Variants in NUP153 observed in about 807,000 individuals in gnomAD.
NUP153 encodes nuclear pore complex protein Nup153.
NUP153 carries 27 observed loss-of-function variants against 134.6 expected under a neutral mutation model. The observed-to-expected ratio is 0.20, with a 90% CI of 0.15 to 0.28. The LOEUF is 0.28. Ranked by LOEUF, NUP153 falls within the 10% of genes least tolerant of loss-of-function variation. NUP153 has a pLI of 1.00. For missense variants in NUP153, 1,821 were observed against 1,731.3 expected (o/e 1.05, Z -0.92); for synonymous variants, 640 against 623.5 (o/e 1.03, Z -0.40).
chr6:17,688,443 A>G lies in NUP153; in HGVS notation c.287T>C (p.Ile96Thr), dbSNP rs754070210. The G allele has an allele frequency of 7.4e-6, 12 of 1,614,004 alleles. No homozygotes were observed. The South Asian group carries it at 7.7e-5, about 10-fold the overall frequency. The change falls in exon 2 of 22, where the codon ATT (isoleucine) becomes ACT (threonine). Residue 96 changes from isoleucine (I) to threonine (T), a missense_variant. By Grantham distance (89) the Ile-to-Thr change is moderately conservative. Transcript: ENST00000262077. ...LVYADEESSNITDGRITPEPA... is the reference protein window; with the variant it reads ...LVYADEESSNTTDGRITPEPA... ...CTCAGGTGTGATTCTCCCATCAGTA[A>G]TATTAGAGCTCTCCTCATCGGCATA...
At chr6:17,694,971 T>C (rs778326084) in intron 1 of NUP153, among the ~76,000 whole-genome samples, 2 of 115,974 alleles carry the variant, frequency 1.7e-5, no homozygotes, top group East Asian at 2.4e-4. Context: ...AAAGCGAGAC[T>C]CTGTCTCAAG....
intron 11 of NUP153, among the ~76,000 whole-genome samples, chr6:17,657,719 T>C (rs1766917137): frequency 6.6e-6 from 1 of 152,174 alleles, no homozygotes; most frequent in Admixed American, 6.5e-5. Context: ...ATGCTACAGA[T>C]TTTACCAGGA....
At chr6:17,674,486 T>C (rs536040764) in intron 5 of NUP153, among the ~76,000 whole-genome samples, 1 of 152,232 alleles carries the variant, frequency 6.6e-6, no homozygotes, top group Admixed American at 6.5e-5. Flanking sequence ...TCAAAACTAC[T>C]GGCCGGGTGC....
intron 11 of NUP153, among the ~76,000 whole-genome samples, chr6:17,655,141 A>C (rs969558151): frequency 2.0e-5 from 3 of 152,222 alleles, no homozygotes; most frequent in Non-Finnish European, 4.4e-5. Context: ...CACACACAAA[A>C]AAACTCATGG....
chr6:17,696,443 AC>A (rs1183288201), intron 1 of NUP153, among the ~76,000 whole-genome samples: 1 of 152,108 alleles, frequency 6.6e-6, no homozygotes, highest in Non-Finnish European at 1.5e-5. Flanking sequence ...TTCTGTATGG[AC>A]CTGAAAAGTG....
At chr6:17,649,536 G>C (rs764856479) in intron 11 of NUP153, among the ~76,000 whole-genome samples, 16 of 148,202 alleles carry the variant, frequency 1.1e-4, no homozygotes, top group Non-Finnish European at 2.4e-4. Context: ...GTAAAACTGA[G>C]GGAAAAAAGA....
At chr6:17,622,973 A>AT (rs1379701493) in intron 20 of NUP153, among the ~76,000 whole-genome samples, 1 of 152,042 alleles carries the variant, frequency 6.6e-6, no homozygotes, top group African/African-American at 2.4e-5. Flanking sequence ...TACTAAAAAT[A>AT]TAAAAAATCA....
chr6:17,669,214 G>T, intron 7 of NUP153, 79 bp downstream of exon 7: 1 of 1,254,976 alleles, frequency 8.0e-7, no homozygotes, highest in South Asian at 1.3e-5. Flanking sequence ...AAGTAGCTGG[G>T]ACTACAGGTG....
intron 15 of NUP153, 49 bp downstream of exon 15, chr6:17,639,889 AT>A: frequency 6.6e-7 from 1 of 1,521,120 alleles, no homozygotes; most frequent in Non-Finnish European, 8.9e-7. Flanking sequence ...ATGACATTAA[AT>A]TGAGATCATG....
At position 17,675,267 on chromosome 6, in the gene NUP153, G is replaced by A; in HGVS notation, c.685C>T (p.Pro229Ser). The change falls in exon 4 of 22, where the codon CCA becomes TCA. Residue 229 changes from proline to serine, a missense_variant. By Grantham distance (74) the Pro-to-Ser change is moderately conservative. Coordinates refer to ENST00000262077, the MANE Select transcript of NUP153 (RefSeq NM_005124.4). This position sits in a 1 kb window ranked among gnomAD's most constrained non-coding sequence, Gnocchi z 4.4. ...SQHTATSSKK[P>S]AFNLSAFGTL... is the part of the protein sequence containing the mutation. ...CCAAAGGCAGACAAGTTGAATGCTG[G>A]TTTTTTTGAGCTGGTGGCAGTGTGC... 6.2e-7 allele frequency: 1 copy of A among 1,614,084 alleles called. No homozygotes were observed. Among genetic ancestry groups the A allele is most frequent in the Non-Finnish European group, 8.5e-7 (1 of 1,180,012 alleles).
At chr6:17,630,913 G>A (rs1055385593) in intron 17 of NUP153, among the ~76,000 whole-genome samples, 1 of 152,100 alleles carries the variant, frequency 6.6e-6, no homozygotes, top group African/African-American at 2.4e-5. Context: ...TGAAGTACTT[G>A]ACCTACTGGC....
chr6:17,649,325 A>G (rs1308330793), intron 11 of NUP153, 25 bp from the exon 12 acceptor site: 9 of 1,596,008 alleles, frequency 5.6e-6, no homozygotes, highest in South Asian at 2.3e-5. Context: ...GTTGCATGAT[A>G]TATTTCATCT....
chr6:17,653,023 CG>C (rs1766595343), intron 11 of NUP153, among the ~76,000 whole-genome samples: 1 of 152,092 alleles, frequency 6.6e-6, no homozygotes, highest in Admixed American at 6.6e-5. Context: ...TAGGCCGAGG[CG>C]GGTGGACTGC....
At chr6:17,617,640 T>G (rs1285837942) in intron 20 of NUP153, among the ~76,000 whole-genome samples, 1 of 151,926 alleles carries the variant, frequency 6.6e-6, no homozygotes, top group Non-Finnish European at 1.5e-5. Flanking sequence ...CCCAGGAGTT[T>G]GAGAACAACC....
intron 11 of NUP153, among the ~76,000 whole-genome samples, chr6:17,659,989 A>G (rs1361382305): frequency 1.3e-5 from 2 of 152,208 alleles, no homozygotes; most frequent in Admixed American, 1.3e-4. Flanking sequence ...CCTCCAGACC[A>G]GCAATAGAGC....
chr6:17,635,013 A>G (rs188399427), intron 16 of NUP153, among the ~76,000 whole-genome samples: 1 of 152,156 alleles, frequency 6.6e-6, no homozygotes, highest in South Asian at 2.1e-4. Flanking sequence ...AGAATCTCAT[A>G]ATGTTTTAGA....
chr6:17,633,282 T>C (rs1191284695), intron 16 of NUP153, among the ~76,000 whole-genome samples: 1 of 152,188 alleles, frequency 6.6e-6, no homozygotes, highest in East Asian at 1.9e-4. Context: ...ACATATAAAA[T>C]ACACAGCCAC....
intron 2 of NUP153, among the ~76,000 whole-genome samples, chr6:17,682,954 C>T (rs1435032610): frequency 6.7e-6 from 1 of 148,192 alleles, no homozygotes; most frequent in African/African-American, 2.5e-5. Context: ...ACTTTCTTTG[C>T]GCATCCACAA....
chr6:17,666,687 C>T (rs1405715213), intron 8 of NUP153, among the ~76,000 whole-genome samples: 1 of 152,100 alleles, frequency 6.6e-6, no homozygotes, highest in African/African-American at 2.4e-5. Context: ...GTAAAATGAA[C>T]TCAATTTATT....
Sources: allele counts gnomAD v4.1 joint callset (sites outside exome capture counted in the v4.1 genomes callset), GRCh38; gene constraint gnomAD v4.1.1; non-coding constraint Gnocchi (gnomAD v3.1); transcripts MANE v1.5; gene names NCBI Gene and HGNC (gene_info 2026-07-23, HGNC 2026-07-21).